Variants in YBEY observed in about 807,000 individuals in gnomAD.
YBEY encodes ybeY metalloendoribonuclease, also known as endoribonuclease YbeY.
In YBEY, 15 loss-of-function variants were observed where a neutral mutation model predicts 13.5. The observed-to-expected ratio is 1.11, with a 90% CI of 0.75 to 1.72. The LOEUF is 1.72. YBEY is among the 40% of genes most tolerant of loss of function. The pLI is 0.00. For synonymous variants in YBEY, 101 were observed against 83.1 expected (o/e 1.21, Z -1.17); for missense variants, 244 against 208.4 (o/e 1.17, Z -1.05).
chr21:46,309,608 T>C, the YBEY span, among the ~76,000 whole-genome samples: 1 of 152,158 alleles, frequency 6.6e-6, no homozygotes, highest in Non-Finnish European at 1.5e-5. Flanking sequence ...CATTTATTGA[T>C]ACACCCAACG....
At chr21:46,291,697 CCTT>C in intron 3 of YBEY, 1 of 1,292,884 alleles carries the variant, frequency 7.7e-7, no homozygotes, top group Non-Finnish European at 9.8e-7. Context: ...CCCAGAGAAG[CCTT>C]CTCAGCTTTT....
chr21:46,313,072 T>G, the YBEY span: 3 of 985,410 alleles, frequency 3.0e-6, no homozygotes, highest in Non-Finnish European at 1.2e-6. Flanking sequence ...GACCAAGAGT[T>G]GGCAAACTTT....
Position 46,287,073 on chromosome 21 carries a change from T to G in YBEY, c.160T>G (p.Tyr54Asp), listed in dbSNP as rs1257992108. The change falls in exon 2 of 5, where the codon TAC becomes GAC. Residue 54 changes from tyrosine to aspartate, a missense_variant. Transcript: ENST00000397701. ...NKNIQHINRI[Y>D]RDRNVPTDVL... ...GAATATTCAGCACATTAATAGAATCTACAGAGATAGAAATGTCCCAACCGA... is the reference window on the plus strand; with the variant it reads ...GAATATTCAGCACATTAATAGAATCGACAGAGATAGAAATGTCCCAACCGA... The G allele has an allele frequency of 6.2e-7, 1 of 1,613,378 alleles. No homozygotes were observed. Among genetic ancestry groups the G allele is most frequent in the Non-Finnish European group, 8.5e-7 (1 of 1,179,936 alleles).
At chr21:46,300,929 G>T, downstream of YBEY, 2 of 820,732 alleles carry the variant, frequency 2.4e-6, no homozygotes, top group Non-Finnish European at 1.7e-6. Context: ...AAGGTAGCCT[G>T]TCCACATGGT....
the YBEY span, chr21:46,311,373 G>T: frequency 1.4e-6 from 1 of 708,464 alleles, no homozygotes; most frequent in Non-Finnish European, 2.2e-6. Context: ...CTGGCCCTAA[G>T]TGACTGTCCT....
chr21:46,296,328 G>A (rs2081951128), intron 4 of YBEY, 98 bp downstream of exon 4: 1 of 1,268,316 alleles, frequency 7.9e-7, no homozygotes, highest in Non-Finnish European at 1.1e-6. Context: ...GACCGCCCCC[G>A]CAGGAACTGG....
downstream of YBEY, among the ~76,000 whole-genome samples, chr21:46,298,434 C>CTTTTTTTGTTTTTTTTTGTT (rs1555922544): frequency 3.1e-5 from 3 of 97,184 alleles, no homozygotes; most frequent in Admixed American, 2.7e-4. Flanking sequence ...TTAATCCAAG[C>CTTTTTTTGTTTTTTTTTGTT]TTTTTTTTTT....
chr21:46,291,738 A>T, intron 3 of YBEY: 1 of 1,175,474 alleles, frequency 8.5e-7, no homozygotes, highest in Admixed American at 4.5e-5. Flanking sequence ...GACTATGTTG[A>T]GCTAACACAG....
chr21:46,296,011 C>A, intron 3 of YBEY, 151 bp from the exon 4 acceptor site: 1 of 686,828 alleles, frequency 1.5e-6, no homozygotes, highest in Non-Finnish European at 2.5e-6. Flanking sequence ...GGAACTGAAG[C>A]TGAGTGCCTG....
chr21:46,291,376 GACT>G lies in YBEY; in HGVS notation c.256_258del (p.Tyr86del). ...ATTTCCCCAGCCTGATTTTCCAGAT[GACT>G]ACAATTTGGGAGACATTTTCCTAGG... On this transcript the variant is annotated inframe_deletion, in exon 3 of 5. Transcript: ENST00000397701. 1 of 1,614,042 alleles carries G rather than the reference GACT, an allele frequency of 6.2e-7. No homozygotes were observed. The highest frequency in any genetic ancestry group is 8.5e-7 in the Non-Finnish European group (1 of 1,180,010).
At chr21:46,311,801 A>G in the YBEY span, among the ~76,000 whole-genome samples, 5 of 149,926 alleles carry the variant, frequency 3.3e-5, no homozygotes, top group African/African-American at 1.2e-4. Context: ...CCAGCCAACC[A>G]ACCATTCATC....
the YBEY span, among the ~76,000 whole-genome samples, chr21:46,303,756 T>TTA: frequency 2.3e-4 from 19 of 82,706 alleles, no homozygotes; most frequent in Non-Finnish European, 4.1e-4. Context: ...TTTTTTTTTT[T>TTA]TTTTTTTTTT....
the YBEY span, among the ~76,000 whole-genome samples, chr21:46,303,740 TATA>T: frequency 4.8e-4 from 10 of 20,716 alleles, no homozygotes; most frequent in African/African-American, 2.0e-3. Context: ...TATATATATA[TATA>T]TATTTTTTTT....
the YBEY span, among the ~76,000 whole-genome samples, chr21:46,303,703 C>A: frequency 7.8e-4 from 43 of 55,130 alleles, no homozygotes; most frequent in Non-Finnish European, 1.3e-3. Context: ...CACACACACA[C>A]ACAAAATATA....
chr21:46,300,629 TC>T (rs1474803532), downstream of YBEY: 3 of 1,219,808 alleles, frequency 2.5e-6, no homozygotes, highest in African/African-American at 4.7e-5. Flanking sequence ...CCTTCGGTGT[TC>T]ACACCTGCCC....
downstream of YBEY, chr21:46,297,778 G>GT: frequency 1.6e-6 from 2 of 1,233,920 alleles, no homozygotes; most frequent in African/African-American, 1.6e-5. Context: ...TTTCGTTATT[G>GT]TAAATAAAAC....
At chr21:46,307,567 C>G in the YBEY span, among the ~76,000 whole-genome samples, 1 of 152,178 alleles carries the variant, frequency 6.6e-6, no homozygotes, top group South Asian at 2.1e-4. Flanking sequence ...TATGATGGCA[C>G]AAGCTATGCT....
rs1488805705 is a variant in YBEY, at chr21:46,286,747, A to C, written c.-44-123A>C. On this transcript the variant is annotated intron_variant, in intron 1 of 4. Transcript: ENST00000397701. ...TTGCTTCCTCCTTGTGGTAAATGTA[A>C]ATTCCCTTAAGATTTTCAATCAGTT... 4.7e-6 allele frequency: 3 copies of C among 643,504 alleles called. No individual in the cohort carries two copies. The African/African-American group carries it at 5.6e-5, about 12-fold the overall frequency. The allele number at this position is 643,504 out of a possible 1,614,324, so 39.9% of individuals were successfully genotyped here. A position where few individuals can be genotyped will look rare whatever the true frequency, so the allele number is the denominator to read the frequency against.
chr21:46,299,567 T>C (rs73146707), downstream of YBEY, among the ~76,000 whole-genome samples: 8,268 of 152,232 alleles, frequency 0.054, 332 homozygotes, highest in Non-Finnish European at 0.086. Context: ...CAGATTCAGC[T>C]CCTCACATGC....
Sources: allele counts gnomAD v4.1 joint callset (sites outside exome capture counted in the v4.1 genomes callset), GRCh38; gene constraint gnomAD v4.1.1; transcripts MANE v1.5; gene names NCBI Gene and HGNC (gene_info 2026-07-23, HGNC 2026-07-21).